KCNK10: variants seen among roughly 807,000 people sequenced by gnomAD.
The protein encoded by KCNK10 is potassium two pore domain channel subfamily K member 10.
Under a neutral mutation model 47.7 loss-of-function variants are expected in KCNK10, and 25 were observed. The ratio of observed to expected loss-of-function variants is 0.52; its 90% confidence interval spans 0.38 to 0.73. The LOEUF (loss-of-function observed/expected upper bound fraction) is 0.73, where lower values mean the gene tolerates loss of function less well. Ranked by LOEUF, KCNK10 falls within the 30% of genes least tolerant of loss-of-function variation. The pLI, the probability that KCNK10 is intolerant of heterozygous loss-of-function variation, is 0.00. For synonymous variants in KCNK10, 303 were observed against 285.6 expected, an observed-to-expected ratio of 1.06 and a Z score of -0.61; for missense variants, 563 against 714.5, an observed-to-expected ratio of 0.79 and a Z score of 2.42.
chr14:88,275,521 C>A (rs1335717554), intron 1 of KCNK10, among the ~76,000 whole-genome samples: 1 of 151,832 alleles, frequency 6.6e-6, no homozygotes, highest in Admixed American at 6.6e-5. Flanking sequence ...TTAGGAGATC[C>A]CTCCAGACAA....
At chr14:88,254,410 G>A (rs981617483) in intron 2 of KCNK10, among the ~76,000 whole-genome samples, 2 of 152,088 alleles carry the variant, frequency 1.3e-5, no homozygotes, top group East Asian at 1.9e-4. Flanking sequence ...TCCCTTCAGC[G>A]AGGCTATGAC....
intron 4 of KCNK10, among the ~76,000 whole-genome samples, chr14:88,213,301 C>T (rs540020542): frequency 2.2e-4 from 34 of 152,010 alleles, no homozygotes; most frequent in African/African-American, 4.1e-4. Flanking sequence ...AAAAAAATTA[C>T]GATAATTTTT....
intron 4 of KCNK10, 37 bp downstream of exon 4, chr14:88,227,338 C>T (rs756590647): frequency 1.1e-5 from 17 of 1,542,742 alleles, no homozygotes; most frequent in Non-Finnish European, 1.5e-5. Context: ...CCAACTGGAT[C>T]ACAGTGGTTA....
intron 1 of KCNK10, among the ~76,000 whole-genome samples, chr14:88,306,736 T>C (rs1888210459): frequency 6.6e-6 from 1 of 152,202 alleles, no homozygotes; most frequent in Admixed American, 6.5e-5. Context: ...TAGTGTTTCA[T>C]TACAATCTAT....
chr14:88,212,421 C>T (rs1885490807), intron 4 of KCNK10, among the ~76,000 whole-genome samples: 1 of 150,870 alleles, frequency 6.6e-6, no homozygotes, highest in South Asian at 2.1e-4. Context: ...GCCTGGGCAA[C>T]AAGAGCAAAA....
At chr14:88,290,563 C>G (rs1170752517) in intron 1 of KCNK10, among the ~76,000 whole-genome samples, 1 of 152,130 alleles carries the variant, frequency 6.6e-6, no homozygotes, top group Non-Finnish European at 1.5e-5. Context: ...TCACCGCAGA[C>G]CAGGATGGAG....
intron 3 of KCNK10, among the ~76,000 whole-genome samples, chr14:88,230,892 A>G (rs1886141103): frequency 6.6e-6 from 1 of 152,192 alleles, no homozygotes; most frequent in African/African-American, 2.4e-5. Flanking sequence ...GGATTAAATG[A>G]GATAATGTAT....
At chr14:88,218,174 AT>A (rs1885684893) in intron 4 of KCNK10, among the ~76,000 whole-genome samples, 2 of 152,090 alleles carry the variant, frequency 1.3e-5, no homozygotes, top group Admixed American at 1.3e-4. Context: ...AATAGTAATT[AT>A]TTTAAGTTAA....
intron 1 of KCNK10, among the ~76,000 whole-genome samples, chr14:88,295,180 T>A (rs1887961415): frequency 6.6e-6 from 1 of 152,204 alleles, no homozygotes; most frequent in Non-Finnish European, 1.5e-5. Flanking sequence ...GGAGATTATT[T>A]CCCCTAAATT....
At chr14:88,230,096 G>A (rs951761870) in intron 3 of KCNK10, among the ~76,000 whole-genome samples, 2 of 152,132 alleles carry the variant, frequency 1.3e-5, no homozygotes, top group African/African-American at 2.4e-5. Context: ...AAGATTAAAT[G>A]AGTTACATGC....
chr14:88,265,982 G>A (rs566633594), intron 1 of KCNK10, among the ~76,000 whole-genome samples: 1 of 152,088 alleles, frequency 6.6e-6, no homozygotes, highest in Non-Finnish European at 1.5e-5. Flanking sequence ...ATTAGCAGCA[G>A]GAAAACAGAC....
intron 4 of KCNK10, among the ~76,000 whole-genome samples, chr14:88,216,729 A>G (rs796907945): frequency 3.9e-5 from 6 of 152,302 alleles, no homozygotes; most frequent in African/African-American, 1.4e-4. Flanking sequence ...TCCTTAAACT[A>G]ATTTGGAACA....
chr14:88,315,714 C>T (rs751170381), intron 1 of KCNK10, among the ~76,000 whole-genome samples: 17 of 152,110 alleles, frequency 1.1e-4, no homozygotes, highest in Non-Finnish European at 2.1e-4. Context: ...GACTTCCAGG[C>T]TCTCCATCAC....
In KCNK10 at chr14:88,184,685, G is replaced by C. The variant is rs1884482165; in HGVS notation, c.*850C>G. ...CTTATCAAAACAAGTTATAACCAAAGTACATGGACATTTCCAAATCAGTTT... is the reference window on the plus strand; with the variant it reads ...CTTATCAAAACAAGTTATAACCAAACTACATGGACATTTCCAAATCAGTTT... On this transcript the variant is annotated 3_prime_UTR_variant, in exon 7 of 7. Coordinates refer to ENST00000319231, the MANE Select transcript of KCNK10 (RefSeq NM_138317.3). 1.3e-5 allele frequency: 2 copies of C among 152,280 alleles called. No homozygotes were observed. Among genetic ancestry groups the C allele is most frequent in the African/African-American group, 4.8e-5 (2 of 41,422 alleles). The allele number at this position is 152,280 out of a possible 1,614,324, so 9.4% of individuals were successfully genotyped here. A position where few individuals can be genotyped will look rare whatever the true frequency, so the allele number is the denominator to read the frequency against.
At chr14:88,296,464 GTT>G (rs1200914926) in intron 1 of KCNK10, among the ~76,000 whole-genome samples, 1 of 151,644 alleles carries the variant, frequency 6.6e-6, no homozygotes, top group African/African-American at 2.4e-5. Flanking sequence ...CTGTAACCTG[GTT>G]GTTCACTTTA....
At chr14:88,190,838 A>G (rs1884720136) in intron 5 of KCNK10, among the ~76,000 whole-genome samples, 1 of 152,076 alleles carries the variant, frequency 6.6e-6, no homozygotes, top group African/African-American at 2.4e-5. Context: ...ATGAGCCTTC[A>G]GCAATCTCTT....
intron 1 of KCNK10, among the ~76,000 whole-genome samples, chr14:88,298,733 T>C (rs2139787964): frequency 6.6e-6 from 1 of 152,348 alleles, no homozygotes; most frequent in Admixed American, 6.5e-5. Context: ...CTGACTTAAA[T>C]TATGTACGCC....
intron 2 of KCNK10, among the ~76,000 whole-genome samples, chr14:88,257,692 A>G (rs745371582): frequency 3.3e-5 from 5 of 152,238 alleles, no homozygotes; most frequent in Non-Finnish European, 5.9e-5. Context: ...GTATGTGGGC[A>G]CCAAAGATTA....
intron 3 of KCNK10, among the ~76,000 whole-genome samples, chr14:88,237,580 G>A (rs10138894): frequency 2.0e-3 from 304 of 152,308 alleles, no homozygotes; most frequent in African/African-American, 7.1e-3. Context: ...CCATCCATGG[G>A]CTGAAGAATG....
Sources: gnomAD v4.1 joint callset for allele counts (sites outside exome capture counted in the v4.1 genomes callset) on GRCh38, gnomAD v4.1.1 for gene constraint, MANE v1.5 for transcripts, NCBI Gene and HGNC (gene_info 2026-07-23, HGNC 2026-07-21) for gene names.